Variants in GPALPP1 observed in about 807,000 individuals in gnomAD.
GPALPP1 encodes the protein GPALPP motifs-containing protein 1.
Under a neutral mutation model 38.9 loss-of-function variants are expected in GPALPP1, and 30 were observed. That is an observed-to-expected ratio of 0.77 (90% CI 0.58 to 1.05). GPALPP1 has a LOEUF of 1.05. GPALPP1 is among the 50% of genes least tolerant of loss of function. The probability of loss-of-function intolerance (pLI) is 0.00; values close to 1 mark genes in which losing one functional copy is unlikely to be tolerated. For missense variants in GPALPP1, 384 were observed against 408.8 expected (o/e 0.94, Z 0.52); for synonymous variants, 120 against 139.2 (o/e 0.86, Z 0.97).
chr13:44,996,369 A>G lies in GPALPP1; in HGVS notation c.88+6627A>G, dbSNP rs557359289. On this transcript the variant is annotated intron_variant, in intron 1 of 7. Coordinates refer to ENST00000379151, the MANE Select transcript of GPALPP1 (RefSeq NM_018559.5). ...GACCTTGTCGCAAAAAAAAAAAAAAATTCCTTAAGAGGGGCCCAGGATTTA... is the reference window on the plus strand; with the variant it reads ...GACCTTGTCGCAAAAAAAAAAAAAAGTTCCTTAAGAGGGGCCCAGGATTTA... Among the ~76,000 whole-genome samples the G allele has an allele frequency of 2.0e-5, 3 of 151,738 alleles. No individual in the cohort carries two copies. The South Asian group carries it at 6.2e-4, about 32-fold the overall frequency.
chr13:45,026,732 T>C (rs1236311265), intron 7 of GPALPP1, among the ~76,000 whole-genome samples: 1 of 152,154 alleles, frequency 6.6e-6, no homozygotes, highest in Non-Finnish European at 1.5e-5. Context: ...AAAATACCCA[T>C]TTCTAAAGGA....
chr13:44,999,963 T>C (rs1235735481), intron 1 of GPALPP1, among the ~76,000 whole-genome samples: 2 of 152,232 alleles, frequency 1.3e-5, no homozygotes, highest in Non-Finnish European at 2.9e-5. Context: ...CAAATAGAAA[T>C]TAATGGTACT....
Position 45,015,411 on chromosome 13 carries a change from TG to T in GPALPP1, c.541-20del. 4 of 1,457,552 alleles carry T rather than the reference TG, an allele frequency of 2.7e-6. No homozygotes were observed. The highest frequency in any genetic ancestry group is 1.3e-5 in the South Asian group (1 of 76,492). 90.3% of individuals were successfully genotyped at this position (1,457,552 alleles called of 1,614,324 possible). A position where few individuals can be genotyped will look rare whatever the true frequency, so the allele number is the denominator to read the frequency against. ...TACACGATATGTACTTTCTATGCTG[TG>T]TTTTTTTTTTCTCTTAAAGGATTCA... On this transcript the variant is annotated intron_variant, in intron 5 of 7. Transcript: ENST00000379151.
intron 3 of GPALPP1, 34 bp downstream of exon 3, chr13:45,006,337 T>A: frequency 1.0e-6 from 1 of 990,780 alleles, no homozygotes; most frequent in East Asian, 2.5e-5. Flanking sequence ...CCAGTCTTTC[T>A]TTAAATATTT....
downstream of GPALPP1, chr13:45,034,737 T>A (rs1354206520): frequency 7.5e-5 from 11 of 146,456 alleles, no homozygotes; most frequent in Non-Finnish European, 1.5e-5. Context: ...TTTTTTTTTT[T>A]TTTTATTTTT....
chr13:45,010,449 C>T (rs565873611), intron 4 of GPALPP1, among the ~76,000 whole-genome samples: 3 of 151,870 alleles, frequency 2.0e-5, no homozygotes, highest in East Asian at 3.9e-4. Context: ...GACCTCTTTC[C>T]GCTAGAATGT....
At chr13:45,013,053 G>C (rs1028723446) in intron 4 of GPALPP1, among the ~76,000 whole-genome samples, 6 of 152,072 alleles carry the variant, frequency 3.9e-5, no homozygotes, top group Non-Finnish European at 7.3e-5. Context: ...GTTAGCAAAT[G>C]GGTTAATTTA....
At chr13:45,017,135 G>C (rs939286382) in intron 6 of GPALPP1, among the ~76,000 whole-genome samples, 16 of 152,244 alleles carry the variant, frequency 1.1e-4, no homozygotes, top group Admixed American at 9.8e-4. Context: ...CAATTTTCCT[G>C]TTTTGTCAGG....
chr13:45,019,980 A>C (rs1593403747), intron 6 of GPALPP1, among the ~76,000 whole-genome samples: 1 of 145,362 alleles, frequency 6.9e-6, no homozygotes, highest in African/African-American at 2.6e-5. Flanking sequence ...TGCCTCCCAG[A>C]TTCAAGCGAT....
intron 5 of GPALPP1, 129 bp downstream of exon 5, chr13:45,015,212 G>T (rs984397335): frequency 1.6e-6 from 1 of 633,254 alleles, no homozygotes; most frequent in Non-Finnish European, 2.5e-6. Flanking sequence ...AAATTTAGGA[G>T]TTAGAACCCA....
rs750433831 is a variant in GPALPP1 at position 44,989,664 on chromosome 13, G to C, written c.10G>C (p.Asp4His). The C allele has an allele frequency of 1.2e-5, 19 of 1,612,604 alleles. No homozygotes were observed. In the South Asian group the frequency reaches 2.0e-4, roughly 17 times the overall value. The change falls in exon 1 of 8, where the codon GAC (aspartate) becomes CAC (histidine). Residue 4 changes from aspartate (D) to histidine (H), a missense_variant. Asp to His is a moderately conservative substitution (Grantham distance 81). Coordinates refer to ENST00000379151, the MANE Select transcript of GPALPP1 (RefSeq NM_018559.5). The stretch of plus-strand genomic sequence containing the variant: ...GTGTCCGCCACCGCGGATGGCAAGA[G>C]ACCTGATCGGACCGGCCCTGCCGCC... MAR[D>H]LIGPALPPGF...
At chr13:45,010,315 T>TA (rs2137980484) in intron 4 of GPALPP1, among the ~76,000 whole-genome samples, 1 of 152,330 alleles carries the variant, frequency 6.6e-6, no homozygotes, top group Admixed American at 6.5e-5. Context: ...ATCTTTCCAA[T>TA]ACAGTCATCT....
exon 8 of GPALPP1, chr13:45,036,991 A>T (rs1384411322): frequency 6.6e-6 from 1 of 152,186 alleles, no homozygotes; most frequent in East Asian, 1.9e-4. Context: ...AATTCTGCAG[A>T]ACTAGGTAGG....
At position 45,020,768 on chromosome 13, in the gene GPALPP1, C is replaced by A. The variant is rs79308648; in HGVS notation, c.804+340C>A. Among the ~76,000 whole-genome samples the A allele has an allele frequency of 3.3e-5, 5 of 151,890 alleles. No homozygotes were observed. In the East Asian group the frequency reaches 9.6e-4, roughly 29 times the overall value. ...TTTATATGTCTGCCTCTTTACCATG[C>A]ACTTTTTATACATCTATCCTGAAAT... On this transcript the variant is annotated intron_variant, in intron 7 of 7. Transcript: ENST00000379151.
At chr13:45,008,681 A>T (rs1874266968) in intron 3 of GPALPP1, 114 bp from the exon 4 acceptor site, 4 of 603,602 alleles carry the variant, frequency 6.6e-6, no homozygotes, top group Admixed American at 6.0e-5. Context: ...TGTTAAATAA[A>T]ATTCTTATTT....
intron 1 of GPALPP1, among the ~76,000 whole-genome samples, 180 bp from the exon 2 acceptor site, chr13:45,004,125 C>T (rs1873898543): frequency 6.6e-6 from 1 of 152,124 alleles, no homozygotes; most frequent in Non-Finnish European, 1.5e-5. Flanking sequence ...TGATTTCTGC[C>T]TTCCTAGAGC....
chr13:45,001,065 A>G (rs1017762406), intron 1 of GPALPP1, among the ~76,000 whole-genome samples: 10 of 152,186 alleles, frequency 6.6e-5, no homozygotes, highest in Non-Finnish European at 1.5e-4. Flanking sequence ...CTTGAATTAT[A>G]GTTTCCATAA....
At chr13:45,001,524 A>G (rs1593386910) in intron 1 of GPALPP1, among the ~76,000 whole-genome samples, 2 of 151,962 alleles carry the variant, frequency 1.3e-5, no homozygotes, top group Admixed American at 1.3e-4. Context: ...CCTTCTCCAT[A>G]TTAGAGAATA....
chr13:45,007,681 C>T lies in GPALPP1; in HGVS notation c.324-1114C>T, dbSNP rs983849955. Among the ~76,000 whole-genome samples the T allele has an allele frequency of 5.9e-5, 9 of 152,276 alleles. No homozygotes were observed. The South Asian group carries it at 1.9e-3, about 32-fold the overall frequency. The stretch of plus-strand genomic sequence containing the variant: ...CAGGATGGGAACCCAGACTTTCTGA[C>T]TGTCAGTACTGTTATTTCCCCTGCC... On this transcript the variant is annotated intron_variant, in intron 3 of 7. Transcript: ENST00000379151.
Sources: allele counts gnomAD v4.1 joint callset (sites outside exome capture counted in the v4.1 genomes callset), GRCh38; gene constraint gnomAD v4.1.1; transcripts MANE v1.5; gene names NCBI Gene and HGNC (gene_info 2026-07-23, HGNC 2026-07-21).